DAAM1: variants seen among roughly 807,000 people sequenced by gnomAD.
DAAM1 encodes the protein dishevelled associated activator of morphogenesis 1.
DAAM1 carries 52 observed loss-of-function variants against 130.0 expected under a neutral mutation model. The ratio of observed to expected loss-of-function variants is 0.40; its 90% confidence interval spans 0.32 to 0.50. The LOEUF (loss-of-function observed/expected upper bound fraction) is 0.50. DAAM1 is among the 20% of genes least tolerant of loss of function. The pLI is 0.61. For missense variants in DAAM1, 1,134 were observed against 1,303.8 expected, an observed-to-expected ratio of 0.87 and a Z score of 2.01; for synonymous variants, 452 against 444.5, an observed-to-expected ratio of 1.02 and a Z score of -0.21.
At chr14:59,366,919 T>TAAAA (rs377198440) in intron 23 of DAAM1, among the ~76,000 whole-genome samples, 1 of 144,262 alleles carries the variant, frequency 6.9e-6, no homozygotes, top group Non-Finnish European at 1.5e-5. Flanking sequence ...CCCCATCTAT[T>TAAAA]AAAAAAAAAA....
intron 1 of DAAM1, among the ~76,000 whole-genome samples, chr14:59,198,707 C>G (rs1378166570): frequency 6.6e-6 from 1 of 152,188 alleles, no homozygotes; most frequent in East Asian, 1.9e-4. Flanking sequence ...AATGTAGATT[C>G]AATTTACATG....
chr14:59,371,175 A>G lies in DAAM1; in HGVS notation c.*2316A>G, dbSNP rs1308696411. The stretch of plus-strand genomic sequence containing the variant: ...AGCCACTTTTCTCTCTTGGGTGTGT[A>G]TTTTAAACTTTTTTTGTTTTTTTAA... On this transcript the variant is annotated 3_prime_UTR_variant, in exon 25 of 25. Coordinates refer to ENST00000360909, the MANE Select transcript of DAAM1 (RefSeq NM_001270520.2). 1 of 151,250 alleles carries G rather than the reference A, an allele frequency of 6.6e-6. No homozygotes were observed. The highest frequency in any genetic ancestry group is 1.5e-5 in the Non-Finnish European group (1 of 67,816). The allele number at this position is 151,250 out of a possible 1,614,324, so 9.4% of individuals were successfully genotyped here.
chr14:59,221,628 T>C (rs1239455261), intron 1 of DAAM1, among the ~76,000 whole-genome samples: 7 of 152,170 alleles, frequency 4.6e-5, no homozygotes, highest in African/African-American at 1.7e-4. Context: ...CTCTAAACGA[T>C]CTCTTGTATT....
At chr14:59,345,112 T>C (rs555150447) in intron 16 of DAAM1, among the ~76,000 whole-genome samples, 3 of 152,330 alleles carry the variant, frequency 2.0e-5, no homozygotes, top group Non-Finnish European at 4.4e-5. Context: ...CTCAAGGGCC[T>C]CTAGTGTCCT....
intron 15 of DAAM1, chr14:59,338,544 A>G (rs965461189): frequency 1.1e-6 from 1 of 946,350 alleles, no homozygotes; most frequent in Admixed American, 2.4e-5. Context: ...ATGCCTAGGT[A>G]ACTCCACTTT....
intron 3 of DAAM1, among the ~76,000 whole-genome samples, chr14:59,301,185 C>T (rs1292290588): frequency 6.6e-6 from 1 of 152,008 alleles, no homozygotes; most frequent in African/African-American, 2.4e-5. Context: ...AGTTTTTTCC[C>T]ATCTGTCTCA....
intron 1 of DAAM1, among the ~76,000 whole-genome samples, chr14:59,236,021 C>T (rs577099058): frequency 5.3e-5 from 8 of 152,214 alleles, no homozygotes; most frequent in African/African-American, 1.7e-4. Flanking sequence ...TAAAAAAAAT[C>T]CCATATTAAA....
intron 1 of DAAM1, among the ~76,000 whole-genome samples, chr14:59,219,881 C>G (rs909930468): frequency 1.3e-5 from 2 of 152,148 alleles, no homozygotes; most frequent in Non-Finnish European, 2.9e-5. Context: ...CTGGACATGC[C>G]TTTATTCATT....
Position 59,369,492 on chromosome 14 carries a change from T to C in DAAM1, c.*633T>C, listed in dbSNP as rs1386465552. The C allele has an allele frequency of 2.6e-5, 4 of 152,516 alleles. No individual in the cohort carries two copies. Among genetic ancestry groups the C allele is most frequent in the South Asian group, 4.1e-4 (2 of 4,828 alleles). 9.4% of individuals were successfully genotyped at this position (152,516 alleles called of 1,614,324 possible). A position where few individuals can be genotyped will look rare whatever the true frequency, so the allele number is the denominator to read the frequency against. On this transcript the variant is annotated 3_prime_UTR_variant, in exon 25 of 25. Transcript: ENST00000360909. ...TGCACACAATTTGAATTATGTAGAA[T>C]GTCAATCAAGTTTTTGTATATTTAA...
At chr14:59,211,326 A>G (rs538465471) in intron 1 of DAAM1, among the ~76,000 whole-genome samples, 36 of 152,324 alleles carry the variant, frequency 2.4e-4, no homozygotes, top group Non-Finnish European at 2.6e-4. Flanking sequence ...AAAGTGCTCC[A>G]TCTGTATTTA....
chr14:59,307,047 G>A (rs1428592207), intron 3 of DAAM1, among the ~76,000 whole-genome samples: 1 of 152,122 alleles, frequency 6.6e-6, no homozygotes, highest in Non-Finnish European at 1.5e-5. Context: ...TATAGATTGT[G>A]TTTTCTTCAA....
chr14:59,360,773 G>C, intron 21 of DAAM1, 29 bp from the exon 22 acceptor site: 1 of 1,606,586 alleles, frequency 6.2e-7, no homozygotes. Flanking sequence ...GTCACATGTT[G>C]ATTGCTAAAA....
Position 59,352,637 on chromosome 14 carries a change from G to A in DAAM1, c.2267+5G>A, listed in dbSNP as rs1224945014. The A allele has an allele frequency of 1.9e-6, 3 of 1,609,126 alleles. No individual in the cohort carries two copies. The highest frequency in any genetic ancestry group is 8.5e-7 in the Non-Finnish European group (1 of 1,177,588). ...GTTCCTTTTTGAGATGAGCCGGTGA[G>A]TTTGAAAATGCTGGGAATGTGAAGA... is the stretch of plus-strand genomic sequence containing the variant. On this transcript the variant is annotated splice_donor_5th_base_variant and intron_variant, in intron 18 of 24. Transcript: ENST00000360909.
chr14:59,362,915 C>T (rs1886765413), intron 22 of DAAM1: 1 of 152,154 alleles, frequency 6.6e-6, no homozygotes, highest in African/African-American at 2.4e-5. Context: ...TATAGCCCTC[C>T]AAACCTTAAT....
chr14:59,255,751 A>T (rs1270969598), intron 1 of DAAM1, among the ~76,000 whole-genome samples: 2 of 152,184 alleles, frequency 1.3e-5, no homozygotes. Context: ...TGTTTCAGAA[A>T]TTCCAGAGAC....
intron 1 of DAAM1, among the ~76,000 whole-genome samples, chr14:59,219,146 G>A (rs959155249): frequency 6.6e-6 from 1 of 152,178 alleles, no homozygotes; most frequent in African/African-American, 2.4e-5. Flanking sequence ...ATTTGGTGGT[G>A]ATGGTGTCTA....
intron 3 of DAAM1, among the ~76,000 whole-genome samples, chr14:59,297,537 A>G (rs1191576450): frequency 1.3e-5 from 2 of 152,188 alleles, no homozygotes; most frequent in African/African-American, 4.8e-5. Context: ...AGAAATTTTA[A>G]TGACATGGGA....
chr14:59,307,879 T>C (rs1232834526), intron 3 of DAAM1, among the ~76,000 whole-genome samples: 1 of 152,234 alleles, frequency 6.6e-6, no homozygotes, highest in Non-Finnish European at 1.5e-5. Flanking sequence ...GTTTCAATTT[T>C]GTTAACCTAG....
intron 3 of DAAM1, among the ~76,000 whole-genome samples, chr14:59,295,090 T>A (rs1232452938): frequency 6.6e-6 from 1 of 152,202 alleles, no homozygotes; most frequent in Non-Finnish European, 1.5e-5. Context: ...AATGGGAATA[T>A]AGACACTGCT....
Sources: gnomAD v4.1 joint callset for allele counts (sites outside exome capture counted in the v4.1 genomes callset) on GRCh38, gnomAD v4.1.1 for gene constraint, MANE v1.5 for transcripts, NCBI Gene and HGNC (gene_info 2026-07-23, HGNC 2026-07-21) for gene names.